Variants in CDH13 observed in about 807,000 individuals in gnomAD.
CDH13 encodes the protein cadherin-13.
CDH13 carries 24 observed loss-of-function variants against 63.8 expected under a neutral mutation model. That is an observed-to-expected ratio of 0.38 (90% CI 0.27 to 0.53). The LOEUF (loss-of-function observed/expected upper bound fraction) is 0.53, where lower values mean the gene tolerates loss of function less well. Ranked by LOEUF, CDH13 falls within the 20% of genes least tolerant of loss-of-function variation. The pLI, the probability that CDH13 is intolerant of heterozygous loss-of-function variation, is 0.85. For synonymous variants in CDH13, 503 were observed against 355.3 expected, an observed-to-expected ratio of 1.42 and a Z score of -4.67; for missense variants, 1,049 against 903.1, an observed-to-expected ratio of 1.16 and a Z score of -2.07.
At chr16:83,499,619 C>T (rs537133762) in intron 7 of CDH13, among the ~76,000 whole-genome samples, 162 of 152,312 alleles carry the variant, frequency 1.1e-3, no homozygotes, top group African/African-American at 3.7e-3. Flanking sequence ...AAAACTATGC[C>T]TTGGTTTCTT....
Position 82,928,106 on chromosome 16 carries a change from C to A in CDH13, c.157+69633C>A, listed in dbSNP as rs568102372. Among the ~76,000 whole-genome samples, 6 of 152,018 alleles carry A rather than the reference C, an allele frequency of 3.9e-5. No individual in the cohort carries two copies. In the East Asian group the frequency reaches 9.7e-4, roughly 25 times the overall value. Reference sequence around the variant, plus strand: ...GTTTTATTTCAGAACTATGATCATACCATTTGTACTATTTGGTCATTTTTC... The same window carrying A: ...GTTTTATTTCAGAACTATGATCATAACATTTGTACTATTTGGTCATTTTTC... On this transcript the variant is annotated intron_variant, in intron 2 of 13. Transcript: ENST00000567109.
At chr16:82,673,517 C>T (rs1913541295) in intron 1 of CDH13, among the ~76,000 whole-genome samples, 1 of 152,172 alleles carries the variant, frequency 6.6e-6, no homozygotes, top group African/African-American at 2.4e-5. Context: ...ACAACCCCAG[C>T]CCTGGTGGAG....
At chr16:83,039,333 C>G (rs193137766) in intron 3 of CDH13, among the ~76,000 whole-genome samples, 1 of 152,276 alleles carries the variant, frequency 6.6e-6, no homozygotes, top group East Asian at 1.9e-4. Flanking sequence ...ATCTCTGCAG[C>G]CTTCTTTCAA....
intron 1 of CDH13, among the ~76,000 whole-genome samples, chr16:82,679,848 A>T (rs1452680303): frequency 6.6e-6 from 1 of 152,226 alleles, no homozygotes; most frequent in Non-Finnish European, 1.5e-5. Context: ...AACATTTGAA[A>T]CAGATGTGGA....
chr16:83,325,553 C>T (rs61408526), intron 5 of CDH13, among the ~76,000 whole-genome samples: 9,708 of 152,234 alleles, frequency 0.064, 332 homozygotes, highest in Non-Finnish European at 0.069. Context: ...AAGCCGTAGA[C>T]AGTAGATACA....
At chr16:83,360,582 C>T (rs1437120172) in intron 6 of CDH13, among the ~76,000 whole-genome samples, 2 of 152,102 alleles carry the variant, frequency 1.3e-5, no homozygotes, top group East Asian at 3.9e-4. Flanking sequence ...CACCATAGTA[C>T]CTAACAGTTA....
At chr16:83,280,492 T>A (rs2089136873) in intron 5 of CDH13, among the ~76,000 whole-genome samples, 1 of 152,250 alleles carries the variant, frequency 6.6e-6, no homozygotes, top group Non-Finnish European at 1.5e-5. Flanking sequence ...CACTGAAGTC[T>A]TGAGCCCCTC....
At chr16:82,647,786 G>A (rs745402921) in intron 1 of CDH13, among the ~76,000 whole-genome samples, 2 of 152,198 alleles carry the variant, frequency 1.3e-5, no homozygotes, top group Admixed American at 6.5e-5. Context: ...GGAGCTTGGG[G>A]TTGGGTGGTG....
At chr16:82,758,479 G>C (rs1225018621) in intron 1 of CDH13, among the ~76,000 whole-genome samples, 1 of 151,158 alleles carries the variant, frequency 6.6e-6, no homozygotes, top group Non-Finnish European at 1.5e-5. Context: ...CTTTCCAGCT[G>C]AGCAGTCTTC....
At chr16:83,293,612 A>G (rs1337581499) in intron 5 of CDH13, among the ~76,000 whole-genome samples, 1 of 152,216 alleles carries the variant, frequency 6.6e-6, no homozygotes, top group African/African-American at 2.4e-5. Flanking sequence ...CAAATACATA[A>G]CAGATATATA....
chr16:83,684,737 A>G (rs116002501), intron 10 of CDH13, among the ~76,000 whole-genome samples: 55 of 152,316 alleles, frequency 3.6e-4, no homozygotes, highest in African/African-American at 1.3e-3. Context: ...ATTTCATATC[A>G]CTGCTCAACA....
chr16:83,701,724 C>T (rs1217346791), intron 10 of CDH13, among the ~76,000 whole-genome samples: 18 of 152,198 alleles, frequency 1.2e-4, no homozygotes, highest in Admixed American at 9.8e-4. Flanking sequence ...CCCACTTCAG[C>T]ACCACGGTCA....
chr16:82,779,602 A>AACC (rs1363774251), intron 1 of CDH13, among the ~76,000 whole-genome samples: 2 of 152,156 alleles, frequency 1.3e-5, no homozygotes, highest in African/African-American at 4.8e-5. Flanking sequence ...TGCCAGGAAA[A>AACC]ACCAGAAGAA....
rs138912488 is a variant in CDH13, at chr16:83,040,243, T to C, written c.366+8025T>C. Among the ~76,000 whole-genome samples, 543 of 152,190 alleles carry C rather than the reference T, an allele frequency of 3.6e-3. 6 individuals carry two copies. The Middle Eastern group carries it at 0.037, about 10-fold the overall frequency. ...AGGATTCAATGAATCAACACGTGTGTATTAGTCAAGGTTCTTTAAAGACAC... is the reference window on the plus strand; with the variant it reads ...AGGATTCAATGAATCAACACGTGTGCATTAGTCAAGGTTCTTTAAAGACAC... On this transcript the variant is annotated intron_variant, in intron 3 of 13. Transcript: ENST00000567109.
chr16:83,154,587 C>G (rs970860558), intron 4 of CDH13, among the ~76,000 whole-genome samples: 1 of 151,100 alleles, frequency 6.6e-6, no homozygotes, highest in East Asian at 1.9e-4. Flanking sequence ...AAAATTGTAT[C>G]TTTTACTAGT....
chr16:83,335,621 A>G (rs1389222066), intron 5 of CDH13, among the ~76,000 whole-genome samples: 3 of 152,210 alleles, frequency 2.0e-5, no homozygotes, highest in Admixed American at 2.0e-4. Context: ...ATCCGCAAGC[A>G]GACGGCCCAG....
chr16:83,520,735 A>G (rs1051623793), intron 7 of CDH13, among the ~76,000 whole-genome samples: 7 of 152,134 alleles, frequency 4.6e-5, no homozygotes, highest in African/African-American at 1.2e-4. Context: ...GGCATCATCA[A>G]TTTTAGAGCC....
intron 1 of CDH13, among the ~76,000 whole-genome samples, chr16:82,778,761 A>G (rs8043851): frequency 0.28 from 43,259 of 151,914 alleles, 6,969 homozygotes; most frequent in South Asian, 0.46. Flanking sequence ...TAAAGCACGC[A>G]AGGCACTAGG....
intron 11 of CDH13, among the ~76,000 whole-genome samples, chr16:83,763,731 C>T (rs1325442616): frequency 1.3e-5 from 2 of 148,216 alleles, no homozygotes; most frequent in Non-Finnish European, 3.1e-5. Context: ...ATTGATGACC[C>T]AGCCATCATT....
Sources: allele counts gnomAD v4.1 joint callset (sites outside exome capture counted in the v4.1 genomes callset), GRCh38; gene constraint gnomAD v4.1.1; transcripts MANE v1.5; gene names NCBI Gene and HGNC (gene_info 2026-07-23, HGNC 2026-07-21).